GAPVD1: variants seen among roughly 807,000 people sequenced by gnomAD.
The protein encoded by GAPVD1 is GTPase-activating protein and VPS9 domain-containing protein 1.
In GAPVD1, 35 loss-of-function variants were observed where a neutral mutation model predicts 155.5. The ratio of observed to expected loss-of-function variants is 0.23; its 90% confidence interval spans 0.17 to 0.30. The LOEUF is 0.30. Among genes scored for constraint, GAPVD1 ranks in the 10% least tolerant of loss-of-function variants. The pLI, the probability that GAPVD1 is intolerant of heterozygous loss-of-function variation, is 1.00. For missense variants in GAPVD1, 1,429 were observed against 1,775.7 expected (o/e 0.80, Z 3.51); for synonymous variants, 636 against 619.7 (o/e 1.03, Z -0.39).
intron 13 of GAPVD1, among the ~76,000 whole-genome samples, chr9:125,330,891 A>T (rs1348104321): frequency 5.3e-5 from 8 of 152,208 alleles, no homozygotes; most frequent in Non-Finnish European, 1.2e-4. Context: ...CTTGGTAAAC[A>T]CATTTAGATT....
At chr9:125,297,562 C>G (rs1840077122) in intron 3 of GAPVD1, among the ~76,000 whole-genome samples, 1 of 152,136 alleles carries the variant, frequency 6.6e-6, no homozygotes, top group East Asian at 1.9e-4. Context: ...CATGCTTGGC[C>G]TGTTCAAGGA....
At chr9:125,350,245 G>A in intron 21 of GAPVD1, 50 bp from the exon 22 acceptor site, 2 of 1,034,938 alleles carry the variant, frequency 1.9e-6, no homozygotes, top group South Asian at 1.4e-5. Context: ...TTTGTAAAAT[G>A]TGACCATATC....
chr9:125,299,095 T>C lies in GAPVD1; in HGVS notation c.174T>C (p.Leu58=). Residue 58 remains leucine, a synonymous_variant, in exon 4 of 28, where the codon CTT becomes CTC. Transcript: ENST00000297933. ...AACAGAGAATCAATTTGGATCGGCT[T>C]ATCATAACCAGGTAAAGAGATGATT... ...AKQQRINLDR[L]IITSAEASPA... 7 of 1,583,310 alleles carry C rather than the reference T, an allele frequency of 4.4e-6. No homozygotes were observed. The highest frequency in any genetic ancestry group is 6.0e-6 in the Non-Finnish European group (7 of 1,163,690).
chr9:125,315,730 A>G (rs888959252), intron 9 of GAPVD1, among the ~76,000 whole-genome samples: 4 of 152,058 alleles, frequency 2.6e-5, no homozygotes, highest in African/African-American at 9.7e-5. Context: ...ATGCTTATGA[A>G]GGAAGAGGCT....
intron 4 of GAPVD1, among the ~76,000 whole-genome samples, chr9:125,299,803 G>A (rs574510260): frequency 1.6e-4 from 24 of 149,624 alleles, no homozygotes; most frequent in African/African-American, 5.6e-4. Context: ...GGTGGATCAC[G>A]AGGTCAGGAG....
intron 4 of GAPVD1, 68 bp from the exon 5 acceptor site, chr9:125,301,915 A>G (rs1255422481): frequency 8.3e-7 from 1 of 1,197,606 alleles, no homozygotes; most frequent in African/African-American, 1.6e-5. Context: ...ATGTTTGGAT[A>G]TAGTATATGT....
rs180923015 is a variant in GAPVD1, at chr9:125,366,733, T to C, written c.*3987T>C. 1.3e-4 allele frequency: 20 copies of C among 152,342 alleles called. No homozygotes were observed. Among genetic ancestry groups the C allele is most frequent in the African/African-American group, 4.6e-4 (19 of 41,574 alleles). The allele number at this position is 152,342 out of a possible 1,614,324, so 9.4% of individuals were successfully genotyped here. A position where few individuals can be genotyped will look rare whatever the true frequency, so the allele number is the denominator to read the frequency against. ...CTTTGCCAGGTTAAAAATTACTTAA[T>C]ATATTTTAGAATGTAGGTTAGAAAG... On this transcript the variant is annotated 3_prime_UTR_variant, in exon 28 of 28. Coordinates refer to ENST00000297933, the MANE Select transcript of GAPVD1 (RefSeq NM_001282680.3).
At chr9:125,306,141 C>T (rs939206812) in intron 6 of GAPVD1, among the ~76,000 whole-genome samples, 1 of 151,980 alleles carries the variant, frequency 6.6e-6, no homozygotes, top group African/African-American at 2.4e-5. Flanking sequence ...CCTGCCCCCA[C>T]AAAACATTCT....
intron 25 of GAPVD1, among the ~76,000 whole-genome samples, chr9:125,356,582 C>T (rs1850115769): frequency 6.6e-6 from 1 of 152,162 alleles, no homozygotes; most frequent in Admixed American, 6.5e-5. Context: ...GCCTCAACCT[C>T]CCAGGCTTAT....
At chr9:125,338,929 T>TTGTGTGTGTGTG (rs144909106) in intron 17 of GAPVD1, among the ~76,000 whole-genome samples, 240 of 146,724 alleles carry the variant, frequency 1.6e-3, no homozygotes, top group Middle Eastern at 7.0e-3. Flanking sequence ...TTAAAAAAAT[T>TTGTGTGTGTGTG]TGTGTGTGTG....
At position 125,346,830 on chromosome 9, in the gene GAPVD1, C is replaced by G; in HGVS notation, c.3058C>G (p.Pro1020Ala). The G allele has an allele frequency of 6.2e-7, 1 of 1,613,922 alleles. No individual in the cohort carries two copies. Among genetic ancestry groups the G allele is most frequent in the Non-Finnish European group, 8.5e-7 (1 of 1,179,778 alleles). Residue 1020 changes from proline (P) to alanine (A), a missense_variant, in exon 20 of 28, where the codon CCT (proline) becomes GCT (alanine). Transcript: ENST00000297933. ...CCTTTCCCTTGCAGATGATCCCAGC[C>G]CTAGACTCAGTGCACAAGCTCAGGT... Reference protein sequence around the residue: ...RFSTLTDDPSPRLSAQAQVAE... With the variant: ...RFSTLTDDPSARLSAQAQVAE...
At chr9:125,360,762 G>A (rs764031345) in intron 27 of GAPVD1, 37 bp downstream of exon 27, 1 of 1,521,840 alleles carries the variant, frequency 6.6e-7, no homozygotes. Flanking sequence ...GGAGTTATGT[G>A]GCATTCTGAG....
At chr9:125,333,503 T>G (rs1333623199) in intron 15 of GAPVD1, among the ~76,000 whole-genome samples, 46 of 151,062 alleles carry the variant, frequency 3.0e-4, no homozygotes, top group African/African-American at 1.1e-3. Flanking sequence ...TTTTTTTTTT[T>G]TTGAGACAGA....
At chr9:125,358,807 A>T (rs1425320252) in intron 25 of GAPVD1, among the ~76,000 whole-genome samples, 1 of 152,200 alleles carries the variant, frequency 6.6e-6, no homozygotes, top group Non-Finnish European at 1.5e-5. Context: ...GACTACAAAC[A>T]GCAACTTTGA....
At chr9:125,340,273 G>A (rs575548382) in intron 17 of GAPVD1, among the ~76,000 whole-genome samples, 2 of 152,234 alleles carry the variant, frequency 1.3e-5, no homozygotes, top group South Asian at 2.1e-4. Flanking sequence ...CACCCACCTC[G>A]GCCTTCCAAA....
intron 2 of GAPVD1, among the ~76,000 whole-genome samples, chr9:125,281,049 G>A (rs1218486945): frequency 6.6e-6 from 1 of 152,062 alleles, no homozygotes; most frequent in East Asian, 1.9e-4. Context: ...TGAAGTTTCT[G>A]TGTTTCATTT....
intron 25 of GAPVD1, among the ~76,000 whole-genome samples, chr9:125,357,347 G>A (rs1348203849): frequency 6.6e-6 from 1 of 152,202 alleles, no homozygotes; most frequent in African/African-American, 2.4e-5. Context: ...GGGAGGCCAA[G>A]GCAGGTGGAT....
At chr9:125,347,124 G>T (rs1848612620) in intron 20 of GAPVD1, 183 bp downstream of exon 20, 3 of 634,176 alleles carry the variant, frequency 4.7e-6, no homozygotes, top group Non-Finnish European at 8.2e-6. Context: ...CACTAGCCCT[G>T]GGTACCCCTG....
intron 2 of GAPVD1, among the ~76,000 whole-genome samples, chr9:125,289,275 G>A (rs1054534870): frequency 6.6e-6 from 1 of 152,114 alleles, no homozygotes; most frequent in African/African-American, 2.4e-5. Flanking sequence ...TTGAACACGG[G>A]AGCCCTATGA....
Sources: allele counts gnomAD v4.1 joint callset (sites outside exome capture counted in the v4.1 genomes callset), GRCh38; gene constraint gnomAD v4.1.1; transcripts MANE v1.5; gene names NCBI Gene and HGNC (gene_info 2026-07-23, HGNC 2026-07-21).